XRN2: variants seen among roughly 807,000 people sequenced by gnomAD.
The protein encoded by XRN2 is 5'-3' exoribonuclease 2, also known as DHM1-like protein.
XRN2 carries 44 observed loss-of-function variants against 138.5 expected under a neutral mutation model. That is an observed-to-expected ratio of 0.32 (90% confidence interval 0.25 to 0.41). The LOEUF is 0.41. Among genes scored for constraint, XRN2 ranks in the 10% least tolerant of loss-of-function variants. XRN2 has a pLI of 1.00. For synonymous variants in XRN2, 354 were observed against 369.4 expected, an observed-to-expected ratio of 0.96 and a Z score of 0.48; for missense variants, 937 against 1,169.3, an observed-to-expected ratio of 0.80 and a Z score of 2.90.
At chr20:21,365,340 AAACAT>A in intron 24 of XRN2, 76 bp from the exon 25 acceptor site, 1 of 1,395,452 alleles carries the variant, frequency 7.2e-7, no homozygotes, top group South Asian at 1.3e-5. Flanking sequence ...GAGAGGACTT[AAACAT>A]GAAAAATACC....
At chr20:21,356,475 G>GT in intron 22 of XRN2, 111 bp from the exon 23 acceptor site, 2 of 918,934 alleles carry the variant, frequency 2.2e-6, no homozygotes, top group Non-Finnish European at 3.3e-6. Flanking sequence ...ATTTGGGTTT[G>GT]TTTCTGCCTT....
chr20:21,384,821 G>A (rs1346764907), intron 28 of XRN2, among the ~76,000 whole-genome samples: 1 of 152,162 alleles, frequency 6.6e-6, no homozygotes, highest in Non-Finnish European at 1.5e-5. Context: ...TTTAGGATAT[G>A]TCAGTTTCTG....
intron 14 of XRN2, among the ~76,000 whole-genome samples, chr20:21,340,477 A>T (rs893364574): frequency 1.3e-5 from 2 of 152,212 alleles, no homozygotes; most frequent in African/African-American, 4.8e-5. Flanking sequence ...GTTTCAGTAT[A>T]ATGTATTATA....
intron 1 of XRN2, chr20:21,303,714 A>G (rs973497955): frequency 5.6e-6 from 7 of 1,248,824 alleles, no homozygotes; most frequent in African/African-American, 4.7e-5. Context: ...CCGAACTCGC[A>G]GGAGGGTCGC....
intron 3 of XRN2, among the ~76,000 whole-genome samples, chr20:21,327,839 A>G (rs570686458): frequency 6.6e-6 from 1 of 152,336 alleles, no homozygotes; most frequent in Non-Finnish European, 1.5e-5. Context: ...TTAGATGTAA[A>G]CAGGATATTT....
chr20:21,371,432 G>T (rs2038759612), intron 27 of XRN2, among the ~76,000 whole-genome samples: 1 of 152,196 alleles, frequency 6.6e-6, no homozygotes, highest in Non-Finnish European at 1.5e-5. Flanking sequence ...AAGCACAGAA[G>T]GGGCACAGAG....
chr20:21,312,580 CT>C lies in XRN2; in HGVS notation c.75+9109del, dbSNP rs549494067. Among the ~76,000 whole-genome samples the C allele has an allele frequency of 8.6e-4, 127 of 147,554 alleles. No homozygotes were observed. In the East Asian group the frequency reaches 0.023, roughly 26 times the overall value. ...CCTAAACTCTAGAGAGCCAGAGCTT[CT>C]TGTTAAAACCAAACCCCAAGATTTT... On this transcript the variant is annotated intron_variant, in intron 1 of 29. Transcript: ENST00000377191.
chr20:21,372,554 C>T (rs2038774738), intron 27 of XRN2, among the ~76,000 whole-genome samples: 1 of 152,118 alleles, frequency 6.6e-6, no homozygotes, highest in Non-Finnish European at 1.5e-5. Context: ...AGCAATAAAA[C>T]ATAAAAAACA....
In XRN2 at chr20:21,331,825, T is replaced by A. The variant is rs2038213859; in HGVS notation, c.700+7T>A. The stretch of plus-strand genomic sequence containing the variant: ...TGTTTATGTGGAGCAGATGGTAAGT[T>A]TCTTCTTTGGGATTTGCTTCTTTTG... On this transcript the variant is annotated splice_region_variant and intron_variant, in intron 8 of 29. Transcript: ENST00000377191. The A allele has an allele frequency of 6.2e-7, 1 of 1,611,414 alleles. No individual in the cohort carries two copies. The highest frequency in any genetic ancestry group is 8.5e-7 in the Non-Finnish European group (1 of 1,179,344).
Position 21,328,566 on chromosome 20 carries a change from G to A in XRN2, c.323G>A (p.Arg108His). ...TATGAAATACATTTTCAGGCACCAC[G>A]TGCTAAAATGAACCAGCAGCGTTCA... is the stretch of plus-strand genomic sequence containing the variant. ...LYMAIDGVAP[R>H]AKMNQQRSRR... The change falls in exon 4 of 30, where the codon CGT (arginine) becomes CAT (histidine). Residue 108 changes from arginine to histidine, a missense_variant. Coordinates refer to ENST00000377191, the MANE Select transcript of XRN2 (RefSeq NM_012255.5). 6.2e-7 allele frequency: 1 copy of A among 1,613,606 alleles called. No homozygotes were observed. The highest frequency in any genetic ancestry group is 8.5e-7 in the Non-Finnish European group (1 of 1,179,820).
intron 4 of XRN2, among the ~76,000 whole-genome samples, chr20:21,330,146 G>A (rs1483894589): frequency 5.3e-5 from 8 of 152,076 alleles, no homozygotes; most frequent in Admixed American, 5.2e-4. Flanking sequence ...AGCCAGGCGT[G>A]GTGGCAGGCG....
chr20:21,342,947 A>T (rs2038390470), intron 15 of XRN2, among the ~76,000 whole-genome samples: 1 of 152,036 alleles, frequency 6.6e-6, no homozygotes, highest in Admixed American at 6.6e-5. Flanking sequence ...TTTTTTTGAC[A>T]ATATTGTCTG....
chr20:21,339,721 G>A (rs991570272), intron 14 of XRN2, among the ~76,000 whole-genome samples: 2 of 152,172 alleles, frequency 1.3e-5, no homozygotes, highest in African/African-American at 4.8e-5. Context: ...TATGCTCATA[G>A]TACAGGTTGA....
intron 26 of XRN2, among the ~76,000 whole-genome samples, chr20:21,367,600 A>G (rs1244852271): frequency 6.6e-6 from 1 of 151,810 alleles, no homozygotes; most frequent in Admixed American, 6.6e-5. Context: ...TCTGAGGTGG[A>G]GACAGTAATT....
chr20:21,311,603 A>G (rs1407222689), intron 1 of XRN2, among the ~76,000 whole-genome samples: 3 of 152,172 alleles, frequency 2.0e-5, no homozygotes, highest in African/African-American at 7.2e-5. Context: ...TCATTGGATC[A>G]TGTAATTCTG....
In XRN2 at chr20:21,325,223, A is replaced by AT. The variant is rs2038107453; in HGVS notation, c.76-1049dup. ...CTTTATATGTGCTTGAGGAACTGTT[A>AT]TTTTTTTAAGTGACTTTTATTGTTA... On this transcript the variant is annotated intron_variant, in intron 1 of 29. Coordinates refer to ENST00000377191, the MANE Select transcript of XRN2 (RefSeq NM_012255.5). 1.3e-5 allele frequency among the ~76,000 whole-genome samples: 2 copies of AT among 152,074 alleles called. 1 individual carries two copies. Among genetic ancestry groups the AT allele is most frequent in the South Asian group, 4.1e-4 (2 of 4,826 alleles).
At position 21,306,159 on chromosome 20, in the gene XRN2, C is replaced by T. The variant is rs140852428; in HGVS notation, c.75+2686C>T. ...GTTTTTTTTTTCTTCTTCTTTGAGA[C>T]GGAGTCTAGCTCTGTCACCCAGGCA... On this transcript the variant is annotated intron_variant, in intron 1 of 29. Coordinates refer to ENST00000377191, the MANE Select transcript of XRN2 (RefSeq NM_012255.5). 6.5e-4 allele frequency among the ~76,000 whole-genome samples: 47 copies of T among 72,056 alleles called. 16 individuals are homozygous for T. The highest frequency in any genetic ancestry group is 1.7e-3 in the African/African-American group (45 of 26,064). 47.3% of individuals were successfully genotyped at this position (72,056 alleles called of 152,430 possible). A position where few individuals can be genotyped will look rare whatever the true frequency, so the allele number is the denominator to read the frequency against.
chr20:21,381,886 A>C (rs2038889192), intron 27 of XRN2, 108 bp from the exon 28 acceptor site: 2 of 848,930 alleles, frequency 2.4e-6, no homozygotes, highest in Non-Finnish European at 3.4e-6. Flanking sequence ...TATTTGGTTT[A>C]CAGTCTTTCT....
intron 27 of XRN2, among the ~76,000 whole-genome samples, chr20:21,381,041 C>T (rs1001509407): frequency 6.6e-6 from 1 of 152,156 alleles, no homozygotes; most frequent in Non-Finnish European, 1.5e-5. Context: ...CTCTCTCTTT[C>T]TTAAGTAAAA....
Sources: allele counts gnomAD v4.1 joint callset (sites outside exome capture counted in the v4.1 genomes callset), GRCh38; gene constraint gnomAD v4.1.1; transcripts MANE v1.5; gene names NCBI Gene and HGNC (gene_info 2026-07-23, HGNC 2026-07-21).